Variants in NSL1 observed in about 807,000 individuals in gnomAD.
NSL1 encodes the protein NSL1 component of MIS12 kinetochore complex, also known as kinetochore-associated protein NSL1 homolog.
Under a neutral mutation model 25.4 loss-of-function variants are expected in NSL1, and 11 were observed. That is an observed-to-expected ratio of 0.43 (90% CI 0.27 to 0.72). The LOEUF is 0.72. NSL1 is among the 30% of genes least tolerant of loss of function. NSL1 has a pLI of 0.19. For missense variants in NSL1, 330 were observed against 342.7 expected, an observed-to-expected ratio of 0.96 and a Z score of 0.29; for synonymous variants, 118 against 120.6, an observed-to-expected ratio of 0.98 and a Z score of 0.14.
chr1:212,782,889 T>C (rs1349297725), intron 3 of NSL1, among the ~76,000 whole-genome samples: 1 of 152,176 alleles, frequency 6.6e-6, no homozygotes, highest in Non-Finnish European at 1.5e-5. Flanking sequence ...ACTGAAATTA[T>C]AGTAGCAGAA....
Position 212,738,412 on chromosome 1 carries a change from G to C in NSL1, c.842C>G (p.Thr281Arg). The C allele has an allele frequency of 2.5e-6, 4 of 1,610,256 alleles. No individual in the cohort carries two copies. The highest frequency in any genetic ancestry group is 3.4e-6 in the Non-Finnish European group (4 of 1,178,480). ...CCCAAAATAAACAGAAAGAGCTCAT[G>C]TATCAAGATTAATTTTCTTTGGCCG... is the stretch of plus-strand genomic sequence containing the variant. ...PLRPKKINLD[T>R] Residue 281 changes from threonine to arginine, a missense_variant, in exon 6 of 6, where the codon ACA becomes AGA. By Grantham distance (71) the Thr-to-Arg change is moderately conservative. Transcript: ENST00000366977.
At chr1:212,753,990 T>A (rs1229987195) in intron 4 of NSL1, among the ~76,000 whole-genome samples, 1 of 152,160 alleles carries the variant, frequency 6.6e-6, no homozygotes, top group Non-Finnish European at 1.5e-5. Context: ...AGTGAGGCAC[T>A]TTCAAAGAAC....
At position 212,727,924 on chromosome 1, in the gene NSL1, T is replaced by C; in HGVS notation, c.*10484A>G. 1 of 985,392 alleles carries C rather than the reference T, an allele frequency of 1.0e-6. No homozygotes were observed. Among genetic ancestry groups the C allele is most frequent in the Non-Finnish European group, 1.2e-6 (1 of 829,914 alleles). 61.0% of individuals were successfully genotyped at this position (985,392 alleles called of 1,614,324 possible). On this transcript the variant is annotated 3_prime_UTR_variant, in exon 6 of 6. Transcript: ENST00000366977. Reference sequence around the variant, plus strand: ...AAAAAAATGAGAAGAACCAACGAGGTCGCTGTGGTGTAGCGGTGAGAGCGT... The same window carrying C: ...AAAAAAATGAGAAGAACCAACGAGGCCGCTGTGGTGTAGCGGTGAGAGCGT...
intron 4 of NSL1, among the ~76,000 whole-genome samples, chr1:212,772,777 A>G (rs7513199): frequency 0.63 from 95,675 of 151,980 alleles, 30,641 homozygotes; most frequent in Non-Finnish European, 0.69. Context: ...AAAGCTGGAA[A>G]CATCATACTA....
At chr1:212,790,991 G>C (rs1661211543) in intron 1 of NSL1, among the ~76,000 whole-genome samples, 1 of 152,138 alleles carries the variant, frequency 6.6e-6, no homozygotes, top group Non-Finnish European at 1.5e-5. Flanking sequence ...AATGCTGCTT[G>C]GGTGAATGGC....
Position 212,768,958 on chromosome 1 carries a change from C to T in NSL1, c.499+13414G>A, listed in dbSNP as rs141476944. 3.5e-3 allele frequency among the ~76,000 whole-genome samples: 531 copies of T among 151,980 alleles called. 7 individuals are homozygous for T. The highest frequency in any genetic ancestry group is 0.012 in the African/African-American group (507 of 41,466). On this transcript the variant is annotated intron_variant, in intron 4 of 5. Transcript: ENST00000366977. ...CTCAAGAGACTAAGGCAGGAGGATC[C>T]CTTGAGCCTCCCAGGAGGTGGAGGC...
At chr1:212,749,707 C>G (rs960882847) in intron 4 of NSL1, among the ~76,000 whole-genome samples, 1 of 151,946 alleles carries the variant, frequency 6.6e-6, no homozygotes, top group South Asian at 2.1e-4. Flanking sequence ...CTTAAAATAT[C>G]TCATGCTACC....
chr1:212,739,637 T>C, intron 4 of NSL1, 36 bp from the exon 5 acceptor site: 3 of 1,599,670 alleles, frequency 1.9e-6, no homozygotes, highest in Non-Finnish European at 1.7e-6. Context: ...TTTAGGTTTT[T>C]ATCTAATAGC....
chr1:212,775,826 GGTTT>G (rs966299233), intron 4 of NSL1, among the ~76,000 whole-genome samples: 2 of 143,978 alleles, frequency 1.4e-5, no homozygotes, highest in Admixed American at 1.4e-4. Flanking sequence ...ATAAATTGGT[GGTTT>G]TTTTTTGTTT....
At chr1:212,789,765 GAT>G (rs2102409823) in intron 1 of NSL1, among the ~76,000 whole-genome samples, 1 of 152,190 alleles carries the variant, frequency 6.6e-6, no homozygotes, top group Admixed American at 6.5e-5. Context: ...CACTAAATAG[GAT>G]ATAATAGGTT....
At position 212,743,795 on chromosome 1, in the gene NSL1, T is replaced by C. The variant is rs886727854; in HGVS notation, c.500-4194A>G. On this transcript the variant is annotated intron_variant, in intron 4 of 5. Transcript: ENST00000366977. The stretch of plus-strand genomic sequence containing the variant: ...CAAGGCAAGAGCAAGTGAAATCTGG[T>C]AGGAGAACTTGGTATATTTTAATTT... Among the ~76,000 whole-genome samples, 4 of 152,108 alleles carry C rather than the reference T, an allele frequency of 2.6e-5. No homozygotes were observed. In the East Asian group the frequency reaches 5.8e-4, roughly 22 times the overall value.
Position 212,732,120 on chromosome 1 carries a change from A to G in NSL1, c.*6288T>C. On this transcript the variant is annotated 3_prime_UTR_variant, in exon 6 of 6. Transcript: ENST00000366977. ...TTCACTGGAGAACTAATTTGTAACC[A>G]TGATTACATTTCTTTTTTTGTACAG... 2.0e-6 allele frequency: 2 copies of G among 983,494 alleles called. No individual in the cohort carries two copies. Among genetic ancestry groups the G allele is most frequent in the Non-Finnish European group, 2.4e-6 (2 of 828,962 alleles). 60.9% of individuals were successfully genotyped at this position (983,494 alleles called of 1,614,324 possible). A position where few individuals can be genotyped will look rare whatever the true frequency, so the allele number is the denominator to read the frequency against.
At chr1:212,759,114 A>C (rs1659442655) in intron 4 of NSL1, among the ~76,000 whole-genome samples, 1 of 152,248 alleles carries the variant, frequency 6.6e-6, no homozygotes. Context: ...GGCAAGCATA[A>C]ATCTTTATAC....
chr1:212,746,284 CAG>C (rs1218740944), intron 4 of NSL1, among the ~76,000 whole-genome samples: 5 of 151,394 alleles, frequency 3.3e-5, no homozygotes, highest in East Asian at 3.9e-4. Flanking sequence ...GGGGGAGAAA[CAG>C]AGCTGTATAG....
At chr1:212,750,121 T>C (rs1432752984) in intron 4 of NSL1, among the ~76,000 whole-genome samples, 1 of 151,868 alleles carries the variant, frequency 6.6e-6, no homozygotes, top group African/African-American at 2.4e-5. Context: ...TCAGAATCCC[T>C]AATGTTGAAC....
rs148967359 is a variant in NSL1 at position 212,738,460 on chromosome 1, G to A, written c.794C>T (p.Pro265Leu). The A allele has an allele frequency of 1.1e-3, 1,756 of 1,613,774 alleles. 3 individuals carry two copies. The highest frequency in any genetic ancestry group is 1.4e-3 in the Non-Finnish European group (1,637 of 1,179,938). The change falls in exon 6 of 6, where the codon CCC (proline) becomes CTC (leucine). Residue 265 changes from proline to leucine, a missense_variant. Transcript: ENST00000366977. ...CCGCAATGGATACCATTTTCTCTGG[G>A]GGCAGTCTTTAGTTTGCTTTCTTTT... ...VLKRKQTKDC[P>L]QRKWYPLRPK... is the part of the protein sequence containing the mutation.
chr1:212,767,262 G>C (rs1447382228), intron 4 of NSL1, among the ~76,000 whole-genome samples: 1 of 152,160 alleles, frequency 6.6e-6, no homozygotes, highest in African/African-American at 2.4e-5. Flanking sequence ...CAATGGAACA[G>C]AACAGAGAAC....
rs962578412 is a variant in NSL1 at position 212,726,209 on chromosome 1, T to TG, written c.*12198dup. On this transcript the variant is annotated 3_prime_UTR_variant, in exon 6 of 6. Transcript: ENST00000366977. ...TGAAAAATGCAGCCTCTCACATCAG[T>TG]GGGGGAAAAGAGGTACTATTCAATA... 6.6e-6 allele frequency: 1 copy of TG among 151,692 alleles called. No homozygotes were observed. The highest frequency in any genetic ancestry group is 2.4e-5 in the African/African-American group (1 of 41,016). The allele number at this position is 151,692 out of a possible 1,614,324, so 9.4% of individuals were successfully genotyped here. A position where few individuals can be genotyped will look rare whatever the true frequency, so the allele number is the denominator to read the frequency against.
chr1:212,790,698 G>A (rs1211356899), intron 1 of NSL1, among the ~76,000 whole-genome samples: 3 of 151,982 alleles, frequency 2.0e-5, no homozygotes, highest in South Asian at 2.1e-4. Context: ...CAAGGCGGGC[G>A]GATCACGAGG....
Sources: gnomAD v4.1 joint callset for allele counts (sites outside exome capture counted in the v4.1 genomes callset) on GRCh38, gnomAD v4.1.1 for gene constraint, MANE v1.5 for transcripts, NCBI Gene and HGNC (gene_info 2026-07-23, HGNC 2026-07-21) for gene names.